Variants in SLC24A3 observed in about 807,000 individuals in gnomAD.
SLC24A3 encodes the protein sodium/potassium/calcium exchanger 3.
In SLC24A3, 28 loss-of-function variants were observed where a neutral mutation model predicts 75.8. The observed-to-expected ratio is 0.37, with a 90% CI of 0.27 to 0.51. The LOEUF is 0.51. Among genes scored for constraint, SLC24A3 ranks in the 20% least tolerant of loss-of-function variants. SLC24A3 has a pLI of 0.94. For synonymous variants in SLC24A3, 372 were observed against 334.1 expected (o/e 1.11, Z -1.24); for missense variants, 663 against 847.8 (o/e 0.78, Z 2.71).
chr20:19,504,458 T>C (rs966526106), intron 2 of SLC24A3, among the ~76,000 whole-genome samples: 1 of 152,246 alleles, frequency 6.6e-6, no homozygotes, highest in Admixed American at 6.5e-5. Flanking sequence ...AGGGAATTAC[T>C]ACATTCCAAA....
chr20:19,655,373 T>C (rs1258508551), intron 7 of SLC24A3, among the ~76,000 whole-genome samples: 2 of 152,082 alleles, frequency 1.3e-5, no homozygotes, highest in Non-Finnish European at 2.9e-5. Flanking sequence ...TCATACTCTT[T>C]AGTGTGGCAA....
At chr20:19,450,259 A>G (rs998692292) in intron 2 of SLC24A3, among the ~76,000 whole-genome samples, 2 of 152,234 alleles carry the variant, frequency 1.3e-5, no homozygotes, top group African/African-American at 4.8e-5. Flanking sequence ...ACAGTCAGAC[A>G]GTGGTGAACC....
chr20:19,565,111 C>T (rs2030934386), intron 3 of SLC24A3, among the ~76,000 whole-genome samples: 2 of 152,216 alleles, frequency 1.3e-5, no homozygotes, highest in Non-Finnish European at 2.9e-5. Flanking sequence ...GGCTTCCATC[C>T]TCTCATTCTC....
chr20:19,678,160 C>T (rs1277771989), intron 9 of SLC24A3, among the ~76,000 whole-genome samples: 1 of 151,112 alleles, frequency 6.6e-6, no homozygotes, highest in Admixed American at 6.6e-5. Context: ...CCCCACCTTT[C>T]CCCCCTTTCT....
At chr20:19,563,187 A>AT (rs1363579115) in intron 3 of SLC24A3, among the ~76,000 whole-genome samples, 3 of 152,186 alleles carry the variant, frequency 2.0e-5, no homozygotes, top group Non-Finnish European at 4.4e-5. Context: ...TTCTTCTGCT[A>AT]TTGCTAGCCT....
At chr20:19,388,726 G>A (rs143952888) in intron 2 of SLC24A3, among the ~76,000 whole-genome samples, 1 of 152,160 alleles carries the variant, frequency 6.6e-6, no homozygotes, top group East Asian at 1.9e-4. Context: ...CTATTTGCAT[G>A]GAATTTCTTT....
At chr20:19,714,591 C>G (rs2033025082) in intron 15 of SLC24A3, among the ~76,000 whole-genome samples, 1 of 152,052 alleles carries the variant, frequency 6.6e-6, no homozygotes, top group Non-Finnish European at 1.5e-5. Flanking sequence ...TAAATACAGG[C>G]TTTGAGAGCC....
chr20:19,552,398 T>G (rs1256847945), intron 3 of SLC24A3, among the ~76,000 whole-genome samples: 2 of 152,236 alleles, frequency 1.3e-5, no homozygotes, highest in Non-Finnish European at 2.9e-5. Flanking sequence ...AGCAAATGCA[T>G]TCTGCTGACT....
At chr20:19,575,707 G>T (rs541269234) in intron 3 of SLC24A3, among the ~76,000 whole-genome samples, 1 of 152,364 alleles carries the variant, frequency 6.6e-6, no homozygotes, top group South Asian at 2.1e-4. Context: ...TATCTGGGCT[G>T]CCTCAGGGTG....
intron 2 of SLC24A3, among the ~76,000 whole-genome samples, chr20:19,306,764 C>G (rs781333363): frequency 5.3e-5 from 8 of 152,130 alleles, no homozygotes; most frequent in Non-Finnish European, 1.0e-4. Flanking sequence ...TATTCACTAC[C>G]TGGGTGACAG....
intron 6 of SLC24A3, among the ~76,000 whole-genome samples, chr20:19,617,879 G>T (rs1002226185): frequency 6.6e-6 from 1 of 152,110 alleles, no homozygotes; most frequent in Admixed American, 6.5e-5. Flanking sequence ...AGACTAAAGG[G>T]CCCTGGGACT....
At chr20:19,339,343 G>A (rs1005950646) in intron 2 of SLC24A3, among the ~76,000 whole-genome samples, 1 of 152,046 alleles carries the variant, frequency 6.6e-6, no homozygotes, top group Non-Finnish European at 1.5e-5. Context: ...GCAGAAGGAA[G>A]CATGTAAATA....
chr20:19,710,376 G>A (rs368692570), intron 15 of SLC24A3, among the ~76,000 whole-genome samples: 27 of 152,256 alleles, frequency 1.8e-4, no homozygotes, highest in East Asian at 1.2e-3. Flanking sequence ...GTCTGCATCC[G>A]TACTAAAAAA....
At chr20:19,278,485 T>G (rs1198875731) in intron 1 of SLC24A3, among the ~76,000 whole-genome samples, 2 of 152,230 alleles carry the variant, frequency 1.3e-5, no homozygotes, top group African/African-American at 4.8e-5. Flanking sequence ...CTCCACACTT[T>G]CAGATTATTT....
intron 2 of SLC24A3, among the ~76,000 whole-genome samples, chr20:19,309,300 C>A (rs937324212): frequency 6.6e-6 from 1 of 152,202 alleles, no homozygotes; most frequent in African/African-American, 2.4e-5. Context: ...TATGGGCTTC[C>A]TCATCTATCA....
chr20:19,680,842 A>G (rs1213660580), intron 9 of SLC24A3, among the ~76,000 whole-genome samples: 1 of 152,226 alleles, frequency 6.6e-6, no homozygotes, highest in African/African-American at 2.4e-5. Context: ...CTGTAGCAGC[A>G]AAGAGATGAG....
intron 6 of SLC24A3, among the ~76,000 whole-genome samples, chr20:19,620,176 C>T (rs1279847460): frequency 6.6e-6 from 1 of 152,178 alleles, no homozygotes; most frequent in Non-Finnish European, 1.5e-5. Flanking sequence ...TGCAAATCCA[C>T]CCATGACACC....
intron 6 of SLC24A3, among the ~76,000 whole-genome samples, chr20:19,640,568 G>A (rs1165208137): frequency 1.3e-5 from 2 of 152,130 alleles, no homozygotes; most frequent in African/African-American, 2.4e-5. Flanking sequence ...TGCCCAACAT[G>A]GTGGAACCCC....
At chr20:19,408,581 G>C (rs1455642565) in intron 2 of SLC24A3, among the ~76,000 whole-genome samples, 1 of 151,830 alleles carries the variant, frequency 6.6e-6, no homozygotes, top group Non-Finnish European at 1.5e-5. Context: ...GTAGAGACAG[G>C]GTTTCACCAT....
Sources: gnomAD v4.1 joint callset for allele counts (sites outside exome capture counted in the v4.1 genomes callset) on GRCh38, gnomAD v4.1.1 for gene constraint, MANE v1.5 for transcripts, NCBI Gene and HGNC (gene_info 2026-07-23, HGNC 2026-07-21) for gene names.